Variants in VPS13B observed in about 807,000 individuals in gnomAD.
VPS13B encodes vacuolar protein sorting 13 homolog B, also known as intermembrane lipid transfer protein VPS13B.
Under a neutral mutation model 426.4 loss-of-function variants are expected in VPS13B, and 285 were observed. The observed-to-expected ratio is 0.67, with a 90% CI of 0.61 to 0.74. The LOEUF (loss-of-function observed/expected upper bound fraction) is 0.74, where lower values mean the gene tolerates loss of function less well. Ranked by LOEUF, VPS13B falls within the 30% of genes least tolerant of loss-of-function variation. VPS13B has a pLI of 0.00. For missense variants in VPS13B, 4,537 were observed against 4,782.6 expected (o/e 0.95, Z 1.51); for synonymous variants, 1,676 against 1,676.4 (o/e 1.00, Z 0.01).
chr8:99,086,813 T>C (rs1158679906), intron 3 of VPS13B, among the ~76,000 whole-genome samples: 2 of 152,164 alleles, frequency 1.3e-5, no homozygotes, highest in African/African-American at 4.8e-5. Flanking sequence ...ATTGTTCCTC[T>C]GGAAGCTTTG....
chr8:99,720,846 A>T lies in VPS13B; in HGVS notation c.6866-17A>T. 3 of 1,600,980 alleles carry T rather than the reference A, an allele frequency of 1.9e-6. No homozygotes were observed. Among genetic ancestry groups the T allele is most frequent in the African/African-American group, 1.3e-5 (1 of 74,420 alleles). ...TCCCCTTTAAATCATACAATTAATT[A>T]TACTTTTATTTGACAGAATCTTTGA... On this transcript the variant is annotated splice_polypyrimidine_tract_variant and intron_variant, in intron 38 of 61. Coordinates refer to ENST00000357162, the MANE Select transcript of VPS13B (RefSeq NM_152564.5).
chr8:99,298,547 T>C (rs760659479), intron 19 of VPS13B, among the ~76,000 whole-genome samples: 28 of 152,240 alleles, frequency 1.8e-4, no homozygotes, highest in Non-Finnish European at 2.8e-4. Context: ...TACTTTTGTC[T>C]GATAGAAAGA....
chr8:99,491,480 C>CA (rs1299348741), intron 25 of VPS13B, among the ~76,000 whole-genome samples: 1 of 152,210 alleles, frequency 6.6e-6, no homozygotes, highest in Admixed American at 6.5e-5. Flanking sequence ...CCATTTTCCC[C>CA]ATACCTTTCA....
At chr8:99,381,152 G>A (rs550772390) in intron 19 of VPS13B, among the ~76,000 whole-genome samples, 1 of 152,060 alleles carries the variant, frequency 6.6e-6, no homozygotes, top group East Asian at 1.9e-4. Flanking sequence ...GAGAACATGT[G>A]GTATTTTGTT....
chr8:99,255,054 T>C, intron 17 of VPS13B, among the ~76,000 whole-genome samples: 1 of 152,174 alleles, frequency 6.6e-6, no homozygotes, highest in East Asian at 1.9e-4. Context: ...TTTTTTTCCC[T>C]GTTTTTTTTT....
At chr8:99,427,408 G>T (rs1172912380) in intron 21 of VPS13B, among the ~76,000 whole-genome samples, 6 of 147,180 alleles carry the variant, frequency 4.1e-5, no homozygotes, top group Non-Finnish European at 7.5e-5. Flanking sequence ...CTCTTTTTTG[G>T]TTCCATATGA....
intron 3 of VPS13B, among the ~76,000 whole-genome samples, chr8:99,071,619 A>G (rs1388072180): frequency 6.6e-6 from 1 of 152,154 alleles, no homozygotes; most frequent in Non-Finnish European, 1.5e-5. Context: ...TTTGGCAGCA[A>G]GTGGAAAATC....
chr8:99,190,396 C>G (rs904269922), intron 16 of VPS13B, among the ~76,000 whole-genome samples: 3 of 151,158 alleles, frequency 2.0e-5, no homozygotes, highest in African/African-American at 7.3e-5. Flanking sequence ...TATGCTTAGA[C>G]GTTTGAGACT....
At position 99,853,983 on chromosome 8, in the gene VPS13B, C is replaced by CA; in HGVS notation, c.10595dup (p.His3532GlnfsTer9). 6.2e-7 allele frequency: 1 copy of CA among 1,614,194 alleles called. No homozygotes were observed. The highest frequency in any genetic ancestry group is 8.5e-7 in the Non-Finnish European group (1 of 1,180,036). On this transcript the variant is annotated frameshift_variant, in exon 56 of 62. Coordinates refer to ENST00000357162, the MANE Select transcript of VPS13B (RefSeq NM_152564.5). LOFTEE classifies it high-confidence loss of function. ...CCTTCCTAACAGCAGGTTGGCTGGT[C>CA]ACTCCACACACCTCTCCGGGGGTAA...
Position 99,823,962 on chromosome 8 carries a change from C to T in VPS13B, c.9314C>T (p.Pro3105Leu), listed in dbSNP as rs1169875086. Residue 3105 changes from proline (P) to leucine (L), a missense_variant, in exon 51 of 62, where the codon CCC (proline) becomes CTC (leucine). Pro to Leu is a moderately conservative substitution (Grantham distance 98). Around this residue, in one of 2 missense-constraint regions of VPS13B, gnomAD observed 4,311 missense variants for 4,474.3 expected, o/e 0.96. Transcript: ENST00000357162. Reference protein sequence around the residue: ...FYKPQLSVCNPHSGKEYFRVP... With the variant: ...FYKPQLSVCNLHSGKEYFRVP... ...AAACCACAGCTATCTGTCTGCAATC[C>T]CCATTCTGGAAAGGAGGTAAGCAAA... 2.5e-6 allele frequency: 4 copies of T among 1,612,650 alleles called. No individual in the cohort carries two copies. Among genetic ancestry groups the T allele is most frequent in the Admixed American group, 1.7e-5 (1 of 59,984 alleles).
rs755945215 is a variant in VPS13B at position 99,859,286 on chromosome 8, C to T, written c.10868-18C>T. Reference sequence around the variant, plus strand: ...GCATTTGAGGTTTCAATCACCCCTTCCCTCTTGTGCGTTGCAGGCTGGGTA... The same window carrying T: ...GCATTTGAGGTTTCAATCACCCCTTTCCTCTTGTGCGTTGCAGGCTGGGTA... On this transcript the variant is annotated intron_variant, in intron 56 of 61. Coordinates refer to ENST00000357162, the MANE Select transcript of VPS13B (RefSeq NM_152564.5). The T allele has an allele frequency of 6.8e-6, 11 of 1,613,032 alleles. No individual in the cohort carries two copies. In the Admixed American group the frequency reaches 1.0e-4, roughly 15 times the overall value.
intron 21 of VPS13B, among the ~76,000 whole-genome samples, chr8:99,396,172 G>A (rs528321383): frequency 2.0e-5 from 3 of 152,250 alleles, no homozygotes; most frequent in African/African-American, 4.8e-5. Flanking sequence ...CTTGAAGCAG[G>A]AGAGGGAGTG....
At chr8:99,441,152 G>A (rs950734512) in intron 22 of VPS13B, among the ~76,000 whole-genome samples, 1 of 151,950 alleles carries the variant, frequency 6.6e-6, no homozygotes, top group African/African-American at 2.4e-5. Context: ...ACAAACCAAT[G>A]CGTTTATTTT....
chr8:99,633,328 A>G (rs1219450662), intron 33 of VPS13B, among the ~76,000 whole-genome samples: 1 of 152,074 alleles, frequency 6.6e-6, no homozygotes, highest in Non-Finnish European at 1.5e-5. Flanking sequence ...CGACTTCTAT[A>G]TTGCTGCAGA....
At chr8:99,552,448 G>A (rs1294741950) in intron 30 of VPS13B, among the ~76,000 whole-genome samples, 2 of 151,980 alleles carry the variant, frequency 1.3e-5, no homozygotes, top group South Asian at 4.1e-4. Context: ...CCTGGAGCAA[G>A]ACTGTCCAGA....
At chr8:99,262,992 C>G (rs1818127871) in intron 17 of VPS13B, among the ~76,000 whole-genome samples, 1 of 152,026 alleles carries the variant, frequency 6.6e-6, no homozygotes, top group Admixed American at 6.6e-5. Context: ...CCAGACTTGT[C>G]TCAAACTCCT....
intron 35 of VPS13B, among the ~76,000 whole-genome samples, chr8:99,684,349 C>A (rs1362149675): frequency 3.9e-5 from 6 of 152,134 alleles, no homozygotes; most frequent in Admixed American, 3.9e-4. Flanking sequence ...CTTCTATTTC[C>A]TGGAGGACAG....
intron 36 of VPS13B, among the ~76,000 whole-genome samples, chr8:99,705,615 A>T (rs1832468269): frequency 6.6e-6 from 1 of 152,152 alleles, no homozygotes; most frequent in South Asian, 2.1e-4. Context: ...ATAGTCATGT[A>T]TTGTTTTGTT....
At chr8:99,757,080 G>A (rs1481874645) in intron 39 of VPS13B, among the ~76,000 whole-genome samples, 1 of 152,178 alleles carries the variant, frequency 6.6e-6, no homozygotes, top group Non-Finnish European at 1.5e-5. Context: ...TTCTACCACA[G>A]CTGCCATCAC....
Sources: allele counts gnomAD v4.1 joint callset (sites outside exome capture counted in the v4.1 genomes callset), GRCh38; gene constraint gnomAD v4.1.1; regional missense constraint gnomAD v4.1.1; transcripts MANE v1.5; gene names NCBI Gene and HGNC (gene_info 2026-07-23, HGNC 2026-07-21).